Variants in ASTN1 observed in about 807,000 individuals in gnomAD.
The protein encoded by ASTN1 is astrotactin-1.
Under a neutral mutation model 140.7 loss-of-function variants are expected in ASTN1, and 41 were observed. The ratio of observed to expected loss-of-function variants is 0.29; its 90% CI spans 0.23 to 0.38. The LOEUF is 0.38. Ranked by LOEUF, ASTN1 falls within the 10% of genes least tolerant of loss-of-function variation. The probability of loss-of-function intolerance (pLI) is 1.00; values close to 1 mark genes in which losing one functional copy is unlikely to be tolerated. For synonymous variants in ASTN1, 640 were observed against 652.2 expected, an observed-to-expected ratio of 0.98 and a Z score of 0.29; for missense variants, 1,479 against 1,678.8, an observed-to-expected ratio of 0.88 and a Z score of 2.08.
chr1:177,091,298 C>T (rs961406655), intron 1 of ASTN1, among the ~76,000 whole-genome samples: 1 of 152,162 alleles, frequency 6.6e-6, no homozygotes, highest in Non-Finnish European at 1.5e-5. Flanking sequence ...ATTCTGTTGA[C>T]TCACATCAGG....
intron 2 of ASTN1, among the ~76,000 whole-genome samples, chr1:177,046,195 T>TGG (rs1164100068): frequency 1.1e-4 from 16 of 152,252 alleles, no homozygotes; most frequent in African/African-American, 3.6e-4. Flanking sequence ...GGCTCAGTGT[T>TGG]CCCCTGGCAC....
At chr1:177,132,429 G>A (rs1443077043) in intron 1 of ASTN1, among the ~76,000 whole-genome samples, 1 of 152,168 alleles carries the variant, frequency 6.6e-6, no homozygotes, top group African/African-American at 2.4e-5. Context: ...GCTTCATTCA[G>A]GTAACTTTGT....
intron 1 of ASTN1, among the ~76,000 whole-genome samples, chr1:177,122,361 T>G (rs944194293): frequency 7.2e-5 from 11 of 152,112 alleles, no homozygotes; most frequent in Non-Finnish European, 1.5e-5. Flanking sequence ...TGTCTTTACT[T>G]CCTGTCAACC....
At chr1:177,101,973 T>C (rs1680324297) in intron 1 of ASTN1, among the ~76,000 whole-genome samples, 1 of 152,228 alleles carries the variant, frequency 6.6e-6, no homozygotes, top group Non-Finnish European at 1.5e-5. Flanking sequence ...TCAGTTTTCA[T>C]ACACTAAAAA....
intron 16 of ASTN1, among the ~76,000 whole-genome samples, chr1:176,913,709 A>G (rs1670352564): frequency 6.6e-6 from 1 of 152,258 alleles, no homozygotes; most frequent in East Asian, 1.9e-4. Context: ...TTGAACAAAA[A>G]GAGTTTTTAA....
intron 16 of ASTN1, among the ~76,000 whole-genome samples, chr1:176,923,002 C>T (rs1297102455): frequency 6.6e-6 from 1 of 152,048 alleles, no homozygotes; most frequent in Non-Finnish European, 1.5e-5. Context: ...CTGGTACAAC[C>T]TTTTAATATA....
Position 176,911,040 on chromosome 1 carries a change from C to T in ASTN1, c.2672-16210G>A, listed in dbSNP as rs532094878. Among the ~76,000 whole-genome samples, 6 of 152,332 alleles carry T rather than the reference C, an allele frequency of 3.9e-5. No homozygotes were observed. The South Asian group carries it at 1.2e-3, about 32-fold the overall frequency. ...AAAAGGTGGGGGATCACTGGTGTAG[C>T]ATATTGTTCCTAGGCTATAAACCTG... is the stretch of plus-strand genomic sequence containing the variant. On this transcript the variant is annotated intron_variant, in intron 16 of 22. Coordinates refer to ENST00000361833, the MANE Select transcript of ASTN1 (RefSeq NM_004319.3).
At chr1:176,876,500 TC>T (rs1668568219) in intron 21 of ASTN1, 36 bp downstream of exon 21, 3 of 1,606,002 alleles carry the variant, frequency 1.9e-6, no homozygotes, top group Non-Finnish European at 2.6e-6. Flanking sequence ...ACCTGGGGCA[TC>T]CCTTCAGAAA....
chr1:177,128,250 T>C (rs1041046046), intron 1 of ASTN1, among the ~76,000 whole-genome samples: 42 of 152,298 alleles, frequency 2.8e-4, no homozygotes, highest in African/African-American at 9.6e-4. Flanking sequence ...CTGAAGATTA[T>C]TTTTTAGCTT....
chr1:176,971,245 A>C (rs887000579), intron 8 of ASTN1, among the ~76,000 whole-genome samples: 7 of 152,190 alleles, frequency 4.6e-5, no homozygotes, highest in African/African-American at 1.2e-4. Context: ...TTTTTCTGCT[A>C]TGCAATTGGC....
intron 16 of ASTN1, among the ~76,000 whole-genome samples, chr1:176,922,309 C>T (rs1036573159): frequency 6.6e-6 from 1 of 150,726 alleles, no homozygotes; most frequent in Admixed American, 6.6e-5. Flanking sequence ...TGGAACCAGC[C>T]GTGCAGACTT....
rs573604744 is a variant in ASTN1, at chr1:176,901,457, C to T, written c.2672-6627G>A. Among the ~76,000 whole-genome samples, 15 of 152,252 alleles carry T rather than the reference C, an allele frequency of 9.9e-5. No individual in the cohort carries two copies. The East Asian group carries it at 1.2e-3, about 12-fold the overall frequency. On this transcript the variant is annotated intron_variant, in intron 16 of 22. Transcript: ENST00000361833. Reference sequence around the variant, plus strand: ...CTGGTGTCCTGGGTCAGTGAAACCACGGGTACCAAAGAGCAGCTGGGGTGA... The same window carrying T: ...CTGGTGTCCTGGGTCAGTGAAACCATGGGTACCAAAGAGCAGCTGGGGTGA...
chr1:177,113,344 G>A (rs1269346237), intron 1 of ASTN1, among the ~76,000 whole-genome samples: 1 of 152,156 alleles, frequency 6.6e-6, no homozygotes, highest in Admixed American at 6.5e-5. Context: ...TATCCAGGTT[G>A]AGCAGCCCTT....
chr1:176,944,077 GC>G, intron 13 of ASTN1, 59 bp from the exon 14 acceptor site: 1 of 1,547,322 alleles, frequency 6.5e-7, no homozygotes. Context: ...TCCTTACTGA[GC>G]ATTTTTTTTT....
In ASTN1 at chr1:176,975,533, T is replaced by C. The variant is rs368576137; in HGVS notation, c.1524-10296A>G. Reference sequence around the variant, plus strand: ...AGCTTGTCCATCACTGGCCTCCGGGTATAAAGTAGTGGGTGGAGCAGAAGT... The same window carrying C: ...AGCTTGTCCATCACTGGCCTCCGGGCATAAAGTAGTGGGTGGAGCAGAAGT... On this transcript the variant is annotated intron_variant, in intron 8 of 22. Coordinates refer to ENST00000361833, the MANE Select transcript of ASTN1 (RefSeq NM_004319.3). 1.2e-3 allele frequency among the ~76,000 whole-genome samples: 181 copies of C among 152,306 alleles called. 2 individuals carry two copies. The highest frequency in any genetic ancestry group is 4.2e-3 in the African/African-American group (174 of 41,578).
chr1:177,095,658 A>G (rs998806657), intron 1 of ASTN1, among the ~76,000 whole-genome samples: 1 of 152,176 alleles, frequency 6.6e-6, no homozygotes, highest in Non-Finnish European at 1.5e-5. Context: ...CCTAGATTTG[A>G]AAGATGGAGA....
At chr1:176,898,981 C>G (rs1468211885) in intron 16 of ASTN1, among the ~76,000 whole-genome samples, 2 of 152,132 alleles carry the variant, frequency 1.3e-5, no homozygotes, top group Non-Finnish European at 2.9e-5. Context: ...AAAGAATACC[C>G]AGGTGTGGCT....
chr1:177,150,678 G>A (rs550346889), intron 1 of ASTN1, among the ~76,000 whole-genome samples: 74 of 152,142 alleles, frequency 4.9e-4, no homozygotes, highest in Non-Finnish European at 8.8e-4. Flanking sequence ...TGAGAAGGGT[G>A]TGACCCTAGT....
rs760390036 is a variant in ASTN1 at position 176,996,310 on chromosome 1, C to CACACACAG, written c.1523+18480_1523+18481insCTGTGTGT. On this transcript the variant is annotated intron_variant, in intron 8 of 22. Transcript: ENST00000361833. ...TCTCTCACACACACACACACACACA[C>CACACACAG]AGAGAGAGAGAGAGAGACAGAGACA... Among the ~76,000 whole-genome samples, 148 of 126,582 alleles carry CACACACAG rather than the reference C, an allele frequency of 1.2e-3. 2 individuals carry two copies. The highest frequency in any genetic ancestry group is 3.7e-3 in the African/African-American group (136 of 37,090). 83.0% of individuals were successfully genotyped at this position (126,582 alleles called of 152,430 possible).
Sources: gnomAD v4.1 joint callset for allele counts (sites outside exome capture counted in the v4.1 genomes callset) on GRCh38, gnomAD v4.1.1 for gene constraint, MANE v1.5 for transcripts, NCBI Gene and HGNC (gene_info 2026-07-23, HGNC 2026-07-21) for gene names.